The following ZNF362 variants were observed in gnomAD, a reference collection of about 807,000 sequenced individuals.
The protein encoded by ZNF362 is rotund homolog.
In ZNF362, 11 loss-of-function variants were observed where a neutral mutation model predicts 42.9. The ratio of observed to expected loss-of-function variants is 0.26; its 90% CI spans 0.16 to 0.42. The LOEUF (loss-of-function observed/expected upper bound fraction) is 0.42. Ranked by LOEUF, ZNF362 falls within the 20% of genes least tolerant of loss-of-function variation. The pLI, the probability that ZNF362 is intolerant of heterozygous loss-of-function variation, is 1.00. For synonymous variants in ZNF362, 255 were observed against 257.3 expected (o/e 0.99, Z 0.09); for missense variants, 362 against 576.2 (o/e 0.63, Z 3.81).
the ZNF362 span, among the ~76,000 whole-genome samples, chr1:33,238,951 TC>T: frequency 2.0e-5 from 3 of 152,094 alleles, no homozygotes; most frequent in Admixed American, 2.0e-4. Flanking sequence ...AAAATGAATT[TC>T]TGTTGTTTAA....
the ZNF362 span, among the ~76,000 whole-genome samples, chr1:33,228,660 T>A: frequency 3.3e-5 from 5 of 152,120 alleles, no homozygotes; most frequent in African/African-American, 1.2e-4. Context: ...TATTCAAAGA[T>A]TCAGAATCCA....
At chr1:33,134,258 C>T in the ZNF362 span, among the ~76,000 whole-genome samples, 1 of 152,332 alleles carries the variant, frequency 6.6e-6, no homozygotes, top group East Asian at 1.9e-4. Context: ...CACAGCAACC[C>T]AGCAAGGGTA....
the ZNF362 span, among the ~76,000 whole-genome samples, chr1:33,218,366 T>G: frequency 6.6e-6 from 1 of 152,098 alleles, no homozygotes; most frequent in Non-Finnish European, 1.5e-5. Context: ...ACTTGAGCCC[T>G]GGAGGTCGAG....
chr1:33,165,553 T>C, the ZNF362 span: 8 of 1,608,306 alleles, frequency 5.0e-6, no homozygotes, highest in Non-Finnish European at 6.8e-6. This position sits in a 1 kb window ranked among gnomAD's most constrained non-coding sequence, Gnocchi z 4.0. Context: ...CTGAAGTTGG[T>C]CCTTCAGCTC....
the ZNF362 span, among the ~76,000 whole-genome samples, chr1:33,230,639 G>A: frequency 6.6e-6 from 1 of 152,242 alleles, no homozygotes; most frequent in African/African-American, 2.4e-5. Flanking sequence ...ATACCTTGAT[G>A]GATCAATTAG....
rs572954282 is a variant in ZNF362 at position 33,257,569 on chromosome 1, G to GC, written c.-89+916dup. On this transcript the variant is annotated intron_variant, in intron 1 of 8. Transcript: ENST00000539719. ...AGCTGCGCGGGATGGGGGTGGGGGG[G>GC]CGGATGTGGAGGGTTGAGGATGGGA... Among the ~76,000 whole-genome samples, 61 of 152,138 alleles carry GC rather than the reference G, an allele frequency of 4.0e-4. No homozygotes were observed. In the East Asian group the frequency reaches 8.5e-3, roughly 21 times the overall value.
chr1:33,292,978 G>C (rs1474472804), intron 6 of ZNF362, among the ~76,000 whole-genome samples: 2 of 152,208 alleles, frequency 1.3e-5, no homozygotes, highest in Non-Finnish European at 2.9e-5. Flanking sequence ...GCTTCTCTTG[G>C]CACAGCTGTT....
At chr1:33,210,932 G>A in the ZNF362 span, among the ~76,000 whole-genome samples, 1 of 106,660 alleles carries the variant, frequency 9.4e-6, no homozygotes, top group South Asian at 3.3e-4. Flanking sequence ...TACATTTAAG[G>A]TTAATTTTTT....
At chr1:33,297,054 G>C (rs1290215737) in intron 8 of ZNF362, among the ~76,000 whole-genome samples, 1 of 152,086 alleles carries the variant, frequency 6.6e-6, no homozygotes, top group Non-Finnish European at 1.5e-5. Context: ...GTCAGGTGCC[G>C]GGCAGGGCTG....
At chr1:33,250,897 A>G in the ZNF362 span, among the ~76,000 whole-genome samples, 1 of 151,530 alleles carries the variant, frequency 6.6e-6, no homozygotes, top group African/African-American at 2.4e-5. Context: ...AAGAAGAAGG[A>G]GAAGAAGAAG....
At chr1:33,185,512 G>A in the ZNF362 span, among the ~76,000 whole-genome samples, 4 of 152,266 alleles carry the variant, frequency 2.6e-5, no homozygotes, top group African/African-American at 7.2e-5. Flanking sequence ...GTGAGCCACC[G>A]TGCCCGACCC....
At chr1:33,254,933 A>T (rs1645777534), upstream of ZNF362, among the ~76,000 whole-genome samples, 1 of 152,058 alleles carries the variant, frequency 6.6e-6, no homozygotes, top group Non-Finnish European at 1.5e-5. Flanking sequence ...GATTATCGTC[A>T]TTTCTGGAAA....
intron 2 of ZNF362, 26 bp from the exon 3 acceptor site, chr1:33,276,074 C>T (rs773004820): frequency 7.9e-5 from 128 of 1,613,492 alleles, no homozygotes; most frequent in Non-Finnish European, 1.1e-4. Context: ...GCTCTCTTCC[C>T]GGTGACAGTC....
chr1:33,158,216 C>A, the ZNF362 span: 14 of 1,584,870 alleles, frequency 8.8e-6, no homozygotes, highest in South Asian at 1.2e-4. Flanking sequence ...TGGGACATGC[C>A]CCACCTAGCT....
intron 2 of ZNF362, among the ~76,000 whole-genome samples, chr1:33,271,912 G>A (rs951295040): frequency 3.9e-5 from 6 of 152,240 alleles, no homozygotes; most frequent in African/African-American, 1.4e-4. Context: ...GGCCTGCAGA[G>A]TCTGAGCAGC....
the ZNF362 span, among the ~76,000 whole-genome samples, chr1:33,186,644 T>TA: frequency 6.9e-6 from 1 of 145,630 alleles, no homozygotes; most frequent in South Asian, 2.3e-4. Context: ...CCATCTCTAC[T>TA]AAAAAACAAA....
the ZNF362 span, among the ~76,000 whole-genome samples, chr1:33,187,370 A>G: frequency 1.1e-4 from 17 of 152,252 alleles, no homozygotes; most frequent in African/African-American, 3.1e-4. Context: ...GCACCTGCTC[A>G]GATAAACTTG....
the ZNF362 span, among the ~76,000 whole-genome samples, chr1:33,175,928 T>C: frequency 6.6e-6 from 1 of 152,194 alleles, no homozygotes; most frequent in Non-Finnish European, 1.5e-5. Flanking sequence ...AATAAACATC[T>C]TGGGGTCCCC....
chr1:33,280,533 C>A lies in ZNF362; in HGVS notation c.683+76C>A. The A allele has an allele frequency of 6.8e-7, 1 of 1,471,024 alleles. No individual in the cohort carries two copies. The highest frequency in any genetic ancestry group is 2.4e-5 in the Admixed American group (1 of 40,872). 91.1% of individuals were successfully genotyped at this position (1,471,024 alleles called of 1,614,324 possible). On this transcript the variant is annotated intron_variant, in intron 5 of 8. Transcript: ENST00000539719. This position sits in a 1 kb window ranked among gnomAD's most constrained non-coding sequence, Gnocchi z 5.6. Reference sequence around the variant, plus strand: ...AGCCAGGGCTGCTCCAGGAGCCCAGCAGCGGGGCTGAAACAGGACCCTTAG... The same window carrying A: ...AGCCAGGGCTGCTCCAGGAGCCCAGAAGCGGGGCTGAAACAGGACCCTTAG...
Sources: allele counts gnomAD v4.1 joint callset (sites outside exome capture counted in the v4.1 genomes callset), GRCh38; gene constraint gnomAD v4.1.1; non-coding constraint Gnocchi (gnomAD v3.1); transcripts MANE v1.5; gene names NCBI Gene and HGNC (gene_info 2026-07-23, HGNC 2026-07-21).